Variants in ERP44 observed in about 807,000 individuals in gnomAD.
ERP44 encodes the protein endoplasmic reticulum protein 44, also known as endoplasmic reticulum resident protein 44.
Under a neutral mutation model 53.4 loss-of-function variants are expected in ERP44, and 25 were observed. The observed-to-expected ratio is 0.47, with a 90% confidence interval of 0.34 to 0.65. ERP44 has a LOEUF of 0.65. ERP44 is among the 30% of genes least tolerant of loss of function. ERP44 has a pLI of 0.01. For missense variants in ERP44, 338 were observed against 493.2 expected, an observed-to-expected ratio of 0.69 and a Z score of 2.98; for synonymous variants, 145 against 161.2, an observed-to-expected ratio of 0.90 and a Z score of 0.76.
chr9:100,064,598 G>A (rs1434308007), intron 1 of ERP44, among the ~76,000 whole-genome samples: 2 of 152,130 alleles, frequency 1.3e-5, no homozygotes, highest in East Asian at 1.9e-4. Flanking sequence ...TTAACAGTTG[G>A]TTCCCCCAGC....
chr9:100,022,390 AT>A (rs1485629081), intron 4 of ERP44, among the ~76,000 whole-genome samples, 164 bp from the exon 5 acceptor site: 2 of 152,220 alleles, frequency 1.3e-5, no homozygotes, highest in Non-Finnish European at 2.9e-5. Flanking sequence ...TTGAGTTTAC[AT>A]TATTTAAGAG....
intron 10 of ERP44, among the ~76,000 whole-genome samples, chr9:99,990,689 T>C (rs937442856): frequency 4.6e-5 from 7 of 152,170 alleles, no homozygotes; most frequent in African/African-American, 1.7e-4. Flanking sequence ...GTAAATGGGC[T>C]AAATGCCCCA....
intron 1 of ERP44, among the ~76,000 whole-genome samples, chr9:100,068,018 G>C (rs1165765384): frequency 1.5e-4 from 23 of 150,148 alleles, no homozygotes; most frequent in African/African-American, 3.9e-4. Context: ...CGCCCCGTCC[G>C]GGAGGGAGGT....
At chr9:100,014,890 T>C (rs1337363941) in intron 8 of ERP44, among the ~76,000 whole-genome samples, 1 of 152,204 alleles carries the variant, frequency 6.6e-6, no homozygotes, top group Non-Finnish European at 1.5e-5. Context: ...TAACAGAAAT[T>C]CATTTCTCAT....
intron 10 of ERP44, among the ~76,000 whole-genome samples, chr9:99,991,893 A>C (rs1830260622): frequency 6.6e-6 from 1 of 152,240 alleles, no homozygotes; most frequent in African/African-American, 2.4e-5. Context: ...AAACACCTCT[A>C]TGCAAATAAA....
rs1024803960 is a variant in ERP44, at chr9:99,979,908, T to C, written c.*2704A>G. 16 of 398,378 alleles carry C rather than the reference T, an allele frequency of 4.0e-5. No homozygotes were observed. Among genetic ancestry groups the C allele is most frequent in the Non-Finnish European group, 5.8e-5 (13 of 225,946 alleles). 24.7% of individuals were successfully genotyped at this position (398,378 alleles called of 1,614,324 possible). ...AATCTGTTGATGGATCTCTTCTGCC[T>C]ACAATATATACTACAAACCCCTTAG... On this transcript the variant is annotated 3_prime_UTR_variant, in exon 12 of 12. Coordinates refer to ENST00000262455, the MANE Select transcript of ERP44 (RefSeq NM_015051.3).
At chr9:100,090,027 T>C (rs1365091455) in intron 1 of ERP44, among the ~76,000 whole-genome samples, 1 of 152,188 alleles carries the variant, frequency 6.6e-6, no homozygotes, top group Non-Finnish European at 1.5e-5. Flanking sequence ...TGTAATACTT[T>C]TGTTGTTAGC....
intron 7 of ERP44, among the ~76,000 whole-genome samples, chr9:100,017,148 T>TTTA (rs1346346903): frequency 1.3e-5 from 2 of 152,196 alleles, no homozygotes; most frequent in Non-Finnish European, 2.9e-5. Flanking sequence ...ATCTATGAAG[T>TTTA]GTCTAAAATG....
chr9:100,080,940 GA>G (rs959940113), intron 1 of ERP44, among the ~76,000 whole-genome samples: 1 of 148,886 alleles, frequency 6.7e-6, no homozygotes, highest in East Asian at 2.0e-4. Context: ...ACCAATATAA[GA>G]AAAAAAGCTT....
intron 4 of ERP44, among the ~76,000 whole-genome samples, chr9:100,047,687 A>G (rs1279697314): frequency 6.6e-6 from 1 of 152,212 alleles, no homozygotes; most frequent in East Asian, 1.9e-4. Context: ...TATATCTTGG[A>G]TATAACATCT....
intron 1 of ERP44, among the ~76,000 whole-genome samples, chr9:100,096,856 T>C (rs941853326): frequency 1.3e-5 from 2 of 152,158 alleles, no homozygotes; most frequent in Non-Finnish European, 1.5e-5. Context: ...GCGAGAATAC[T>C]GAGTAAGTAG....
chr9:100,014,145 G>C (rs1225188945), intron 8 of ERP44, among the ~76,000 whole-genome samples: 1 of 152,182 alleles, frequency 6.6e-6, no homozygotes, highest in African/African-American at 2.4e-5. Flanking sequence ...TAACTGAGAA[G>C]GAAGACAAGG....
chr9:100,077,386 C>T (rs1826369675), intron 1 of ERP44, among the ~76,000 whole-genome samples: 1 of 152,194 alleles, frequency 6.6e-6, no homozygotes, highest in Admixed American at 6.5e-5. Flanking sequence ...TTTGAAGTCA[C>T]AATTACAACG....
At chr9:100,016,780 A>G (rs1180936875) in intron 7 of ERP44, among the ~76,000 whole-genome samples, 1 of 152,238 alleles carries the variant, frequency 6.6e-6, no homozygotes, top group Non-Finnish European at 1.5e-5. Context: ...AAAGAAACAT[A>G]GATCATGGAA....
chr9:100,009,488 C>A (rs1174577412), intron 8 of ERP44, among the ~76,000 whole-genome samples: 2 of 152,152 alleles, frequency 1.3e-5, no homozygotes, highest in Non-Finnish European at 2.9e-5. Flanking sequence ...CTCCCCACCC[C>A]CTGGCATCAC....
At chr9:100,090,132 C>T (rs1281923587) in intron 1 of ERP44, among the ~76,000 whole-genome samples, 1 of 152,110 alleles carries the variant, frequency 6.6e-6, no homozygotes, top group Non-Finnish European at 1.5e-5. Flanking sequence ...ATTTGAGTAG[C>T]TGTTTTCTAA....
chr9:100,063,474 G>A (rs1379052450), intron 1 of ERP44, among the ~76,000 whole-genome samples: 2 of 152,048 alleles, frequency 1.3e-5, no homozygotes, highest in Non-Finnish European at 2.9e-5. Context: ...TTTCCTGTCA[G>A]CCCTGGGCAG....
chr9:100,079,413 TACACACACACAC>T lies in ERP44; in HGVS notation c.58-19253_58-19242del, dbSNP rs58110423. ...TAATGCTCCTTAATAAACTCCCCTT[TACACACACACAC>T]ACACACACACACACACACACACACA... On this transcript the variant is annotated intron_variant, in intron 1 of 11. Transcript: ENST00000262455. Among the ~76,000 whole-genome samples, 759 of 137,320 alleles carry T rather than the reference TACACACACACAC, an allele frequency of 5.5e-3. 4 individuals are homozygous for T. The highest frequency in any genetic ancestry group is 0.012 in the African/African-American group (448 of 37,410). 90.1% of individuals were successfully genotyped at this position (137,320 alleles called of 152,430 possible). A position where few individuals can be genotyped will look rare whatever the true frequency, so the allele number is the denominator to read the frequency against.
At chr9:100,088,324 T>C (rs1826509871) in intron 1 of ERP44, among the ~76,000 whole-genome samples, 2 of 152,236 alleles carry the variant, frequency 1.3e-5, no homozygotes, top group African/African-American at 4.8e-5. Flanking sequence ...ATCACGCTGC[T>C]CTCCTTGCTA....
Sources: allele counts gnomAD v4.1 joint callset (sites outside exome capture counted in the v4.1 genomes callset), GRCh38; gene constraint gnomAD v4.1.1; transcripts MANE v1.5; gene names NCBI Gene and HGNC (gene_info 2026-07-23, HGNC 2026-07-21).